ENOX1: variants seen among roughly 807,000 people sequenced by gnomAD.
The protein encoded by ENOX1 is candidate growth-related and time keeping constitutive hydroquinone (NADH) oxidase.
In ENOX1, 42 loss-of-function variants were observed where a neutral mutation model predicts 82.5. The observed-to-expected ratio is 0.51, with a 90% CI of 0.40 to 0.66. The LOEUF (loss-of-function observed/expected upper bound fraction) is 0.66, where lower values mean the gene tolerates loss of function less well. Among genes scored for constraint, ENOX1 ranks in the 30% least tolerant of loss-of-function variants. ENOX1 has a pLI of 0.00. For synonymous variants in ENOX1, 271 were observed against 282.2 expected (o/e 0.96, Z 0.40); for missense variants, 608 against 811.6 (o/e 0.75, Z 3.05).
chr13:43,665,749 G>A (rs2084945545), intron 2 of ENOX1, among the ~76,000 whole-genome samples: 1 of 151,656 alleles, frequency 6.6e-6, no homozygotes, highest in Non-Finnish European at 1.5e-5. Context: ...TCTCATTTAT[G>A]AGGTTGTTTA....
chr13:43,500,064 A>G (rs2076928073), intron 2 of ENOX1, among the ~76,000 whole-genome samples: 1 of 152,116 alleles, frequency 6.6e-6, no homozygotes, highest in African/African-American at 2.4e-5. Flanking sequence ...CACTAGACTT[A>G]AGAGCAAGCA....
At chr13:43,446,917 T>C (rs1411105407) in intron 3 of ENOX1, among the ~76,000 whole-genome samples, 1 of 152,220 alleles carries the variant, frequency 6.6e-6, no homozygotes, top group Non-Finnish European at 1.5e-5. Context: ...AATCCAGGTC[T>C]GGAAGCTGCG....
chr13:43,756,915 G>A (rs1950672194), intron 1 of ENOX1, among the ~76,000 whole-genome samples: 1 of 146,054 alleles, frequency 6.8e-6, no homozygotes, highest in African/African-American at 2.5e-5. Flanking sequence ...TTAAGCCCAG[G>A]GTTCCAACCC....
At chr13:43,624,274 T>G (rs915846940) in intron 2 of ENOX1, among the ~76,000 whole-genome samples, 1 of 152,188 alleles carries the variant, frequency 6.6e-6, no homozygotes, top group African/African-American at 2.4e-5. Flanking sequence ...AACTGAATTG[T>G]TTTTTACTGT....
chr13:43,754,177 G>A (rs995530265), intron 1 of ENOX1, among the ~76,000 whole-genome samples: 4 of 99,148 alleles, frequency 4.0e-5, no homozygotes, highest in African/African-American at 1.0e-4. Context: ...TACATTACAC[G>A]TATGTATGTA....
intron 2 of ENOX1, among the ~76,000 whole-genome samples, chr13:43,525,352 TCCTATAAA>T (rs907497965): frequency 1.8e-4 from 27 of 152,156 alleles, no homozygotes; most frequent in African/African-American, 6.5e-4. Flanking sequence ...ATAAATGGAA[TCCTATAAA>T]CTACAAATCA....
chr13:43,590,984 A>G (rs1283229457), intron 2 of ENOX1, among the ~76,000 whole-genome samples: 2 of 152,214 alleles, frequency 1.3e-5, no homozygotes. Context: ...GGGGGAAATT[A>G]GAAAAGTTGT....
chr13:43,414,569 T>TC (rs2054329105), intron 3 of ENOX1, among the ~76,000 whole-genome samples: 1 of 152,190 alleles, frequency 6.6e-6, no homozygotes, highest in African/African-American at 2.4e-5. Context: ...TCTGGTCTAT[T>TC]CACCAACGAT....
chr13:43,714,140 C>T (rs1321480915), intron 1 of ENOX1, among the ~76,000 whole-genome samples: 1 of 151,594 alleles, frequency 6.6e-6, no homozygotes, highest in African/African-American at 2.4e-5. Flanking sequence ...TTTCAAAGAA[C>T]ATCTTTATTT....
At chr13:43,665,083 T>C (rs7332151) in intron 2 of ENOX1, among the ~76,000 whole-genome samples, 40,187 of 152,102 alleles carry the variant, frequency 0.26, 8,228 homozygotes, top group African/African-American at 0.57. Flanking sequence ...TAGACACTGG[T>C]CTGCCTGCTT....
intron 1 of ENOX1, among the ~76,000 whole-genome samples, chr13:43,671,038 T>C (rs2085242664): frequency 6.6e-6 from 1 of 152,174 alleles, no homozygotes; most frequent in African/African-American, 2.4e-5. Context: ...GGGAAGTGAC[T>C]GGATTAAGGG....
intron 9 of ENOX1, among the ~76,000 whole-genome samples, chr13:43,334,818 T>C (rs1309385400): frequency 1.3e-5 from 2 of 152,204 alleles, no homozygotes; most frequent in African/African-American, 4.8e-5. Context: ...AAATCCAGTC[T>C]GTCCTACTTT....
At position 43,647,891 on chromosome 13, in the gene ENOX1, C is replaced by T. The variant is rs564178417; in HGVS notation, c.-219+19588G>A. ...CCTTTTTCAGCTGTAGAGAACCAGA[C>T]AGATGGCAGAATGAGAAGGTCTCGA... On this transcript the variant is annotated intron_variant, in intron 2 of 16. Transcript: ENST00000690772. Among the ~76,000 whole-genome samples the T allele has an allele frequency of 2.6e-5, 4 of 152,292 alleles. No homozygotes were observed. In the South Asian group the frequency reaches 6.2e-4, roughly 24 times the overall value.
At chr13:43,690,926 C>T (rs1237112233) in intron 1 of ENOX1, among the ~76,000 whole-genome samples, 3 of 152,202 alleles carry the variant, frequency 2.0e-5, no homozygotes, top group African/African-American at 7.2e-5. Flanking sequence ...AGTTCGCCAA[C>T]ACCATGTGTA....
intron 3 of ENOX1, among the ~76,000 whole-genome samples, chr13:43,446,642 G>C (rs984296485): frequency 1.3e-5 from 2 of 152,104 alleles, no homozygotes; most frequent in Non-Finnish European, 2.9e-5. Context: ...TCAAATACTT[G>C]GAATTCTCCT....
At position 43,432,500 on chromosome 13, in the gene ENOX1, G is replaced by A. The variant is rs148527975; in HGVS notation, c.-74-19512C>T. ...CTAAAAATAGAAAAAAAAATGAGGTGGGCGTGGTGGCGCATGTTTGTAATC... is the reference window on the plus strand; with the variant it reads ...CTAAAAATAGAAAAAAAAATGAGGTAGGCGTGGTGGCGCATGTTTGTAATC... On this transcript the variant is annotated intron_variant, in intron 3 of 16. Transcript: ENST00000690772. Among the ~76,000 whole-genome samples the A allele has an allele frequency of 4.4e-3, 665 of 152,128 alleles. 1 individual carries two copies. The highest frequency in any genetic ancestry group is 0.015 in the African/African-American group (635 of 41,494).
chr13:43,323,360 A>T (rs1485315142), intron 10 of ENOX1, among the ~76,000 whole-genome samples: 1 of 152,216 alleles, frequency 6.6e-6, no homozygotes, highest in East Asian at 1.9e-4. Context: ...TAGGGGAGTG[A>T]CTACAATCAA....
At position 43,786,130 on chromosome 13, in the gene ENOX1, GAA is replaced by G. The variant is rs1466833559; in HGVS notation, c.-285+520_-285+521del. Among the ~76,000 whole-genome samples, 1 of 152,210 alleles carries G rather than the reference GAA, an allele frequency of 6.6e-6. No homozygotes were observed. Among genetic ancestry groups the G allele is most frequent in the Non-Finnish European group, 1.5e-5 (1 of 68,032 alleles). On this transcript the variant is annotated intron_variant, in intron 1 of 16. Transcript: ENST00000690772. This position sits in a 1 kb window ranked among gnomAD's most constrained non-coding sequence, Gnocchi z 6.0. ...TACCCAGCGCAGACTAGGCGGGGAGGAAAGTTTCCGGCCCGCAGCAGAGCGGA... is the reference window on the plus strand; with the variant it reads ...TACCCAGCGCAGACTAGGCGGGGAGGAGTTTCCGGCCCGCAGCAGAGCGGA...
chr13:43,744,709 T>C (rs1324147225), intron 1 of ENOX1, among the ~76,000 whole-genome samples: 2 of 152,230 alleles, frequency 1.3e-5, no homozygotes, highest in East Asian at 1.9e-4. Context: ...TATTAAAGTA[T>C]GTTTATACAG....
Sources: allele counts gnomAD v4.1 joint callset (sites outside exome capture counted in the v4.1 genomes callset), GRCh38; gene constraint gnomAD v4.1.1; non-coding constraint Gnocchi (gnomAD v3.1); transcripts MANE v1.5; gene names NCBI Gene and HGNC (gene_info 2026-07-23, HGNC 2026-07-21).